The following SV2C variants were observed in gnomAD, a reference collection of about 807,000 sequenced individuals.
SV2C encodes synaptic vesicle glycoprotein 2C.
SV2C carries 49 observed loss-of-function variants against 79.7 expected under a neutral mutation model. The ratio of observed to expected loss-of-function variants is 0.61; its 90% confidence interval spans 0.49 to 0.78. The LOEUF is 0.78. Ranked by LOEUF, SV2C falls within the 30% of genes least tolerant of loss-of-function variation. SV2C has a pLI of 0.00. For synonymous variants in SV2C, 334 were observed against 333.2 expected (o/e 1.00, Z -0.03); for missense variants, 833 against 912.9 (o/e 0.91, Z 1.13).
chr5:75,983,327 T>C, the SV2C span, among the ~76,000 whole-genome samples: 1 of 152,222 alleles, frequency 6.6e-6, no homozygotes, highest in African/African-American at 2.4e-5. Flanking sequence ...ACAGAACTAC[T>C]TAACTTTCAG....
chr5:76,051,965 T>C, the SV2C span, among the ~76,000 whole-genome samples: 1 of 152,180 alleles, frequency 6.6e-6, no homozygotes, highest in Admixed American at 6.5e-5. Flanking sequence ...AATTTTATTG[T>C]CTGCAAAGTA....
Position 76,300,930 on chromosome 5 carries a change from T to C in SV2C, c.1838T>C (p.Leu613Pro). The C allele has an allele frequency of 1.2e-6, 2 of 1,614,106 alleles. No individual in the cohort carries two copies. The highest frequency in any genetic ancestry group is 1.7e-6 in the Non-Finnish European group (2 of 1,179,952). The change falls in exon 11 of 13, where the codon CTA becomes CCA. Residue 613 changes from leucine to proline, a missense_variant and splice_region_variant. Transcript: ENST00000502798. ...GACAGAATTGGGCGCTTAACAATGCTAGGTATGTACTCAGTTTCATGTCAA... is the reference window on the plus strand; with the variant it reads ...GACAGAATTGGGCGCTTAACAATGCCAGGTATGTACTCAGTTTCATGTCAA... Reference protein sequence around the residue: ...LMDRIGRLTMLGGSMVLSGIS... With the variant: ...LMDRIGRLTMPGGSMVLSGIS...
rs138531675 is a variant in SV2C, at chr5:76,322,118, T to A, written c.2001-3246T>A. On this transcript the variant is annotated intron_variant, in intron 12 of 12. Transcript: ENST00000502798. The stretch of plus-strand genomic sequence containing the variant: ...AATTTTCTGAGAAAATTCCGTGGGC[T>A]CTTCTTATTTAAGACCTAGCATGTT... Among the ~76,000 whole-genome samples the A allele has an allele frequency of 9.8e-4, 149 of 152,344 alleles. No homozygotes were observed. In the East Asian group the frequency reaches 0.025, roughly 26 times the overall value.
chr5:76,260,717 T>G (rs1048397858), intron 4 of SV2C, among the ~76,000 whole-genome samples: 16 of 152,354 alleles, frequency 1.1e-4, no homozygotes, highest in Middle Eastern at 3.4e-3. Flanking sequence ...CCCCATTGCT[T>G]GTTTTTGTCA....
chr5:75,974,156 T>G, the SV2C span, among the ~76,000 whole-genome samples: 1 of 152,030 alleles, frequency 6.6e-6, no homozygotes, highest in Non-Finnish European at 1.5e-5. Context: ...GAGTTAATGA[T>G]GAGGTTTTTA....
At chr5:76,078,456 G>T (rs920600623), upstream of SV2C, among the ~76,000 whole-genome samples, 9 of 152,218 alleles carry the variant, frequency 5.9e-5, no homozygotes, top group Admixed American at 5.2e-4. Context: ...GTATTAGAAT[G>T]TAAGAGATGA....
At chr5:76,273,775 G>T (rs1054629961) in intron 4 of SV2C, among the ~76,000 whole-genome samples, 1 of 152,114 alleles carries the variant, frequency 6.6e-6, no homozygotes, top group African/African-American at 2.4e-5. Flanking sequence ...TCTCTCCCTG[G>T]GATGTATAAT....
At chr5:76,121,312 A>ATTTG (rs1748488807) in intron 1 of SV2C, among the ~76,000 whole-genome samples, 1 of 151,970 alleles carries the variant, frequency 6.6e-6, no homozygotes, top group Non-Finnish European at 1.5e-5. Context: ...CTCCCATCCC[A>ATTTG]TAGGTTGCCT....
At chr5:76,121,885 GT>G (rs952922638) in intron 1 of SV2C, among the ~76,000 whole-genome samples, 56 of 151,642 alleles carry the variant, frequency 3.7e-4, no homozygotes, top group African/African-American at 1.3e-3. Flanking sequence ...CTTTAAAGTA[GT>G]TTTTTTCCAA....
At chr5:75,986,578 G>A in the SV2C span, among the ~76,000 whole-genome samples, 1 of 151,982 alleles carries the variant, frequency 6.6e-6, no homozygotes, top group African/African-American at 2.4e-5. Flanking sequence ...TAAGTTTGTA[G>A]TAATTTGTTA....
chr5:76,322,223 A>G (rs1748851582), intron 12 of SV2C, among the ~76,000 whole-genome samples: 1 of 152,232 alleles, frequency 6.6e-6, no homozygotes, highest in South Asian at 2.1e-4. Context: ...AAAAATCACA[A>G]GCATTCCTTT....
chr5:75,921,202 G>A, the SV2C span: 13 of 1,049,586 alleles, frequency 1.2e-5, no homozygotes, highest in East Asian at 3.1e-4. Context: ...TGAGCCAGGG[G>A]CCAGCAGCCG....
chr5:76,191,353 T>C (rs1438579968), intron 2 of SV2C, among the ~76,000 whole-genome samples: 1 of 152,198 alleles, frequency 6.6e-6, no homozygotes, highest in Admixed American at 6.5e-5. Context: ...TTCGGAATAC[T>C]AATACAGAAT....
chr5:76,335,003 C>A (rs548903357), downstream of SV2C, among the ~76,000 whole-genome samples: 1 of 152,322 alleles, frequency 6.6e-6, no homozygotes, highest in South Asian at 2.1e-4. Flanking sequence ...ATATGATAGC[C>A]ACATGTAGCT....
rs997688586 is a variant in SV2C at position 76,148,060 on chromosome 5, A to G, written c.580+15730A>G. ...AATAAAGAGACTCATTAAGAATTAT[A>G]TATTAAATAAGAGCAAATAGTTATG... is the stretch of plus-strand genomic sequence containing the variant. On this transcript the variant is annotated intron_variant, in intron 2 of 12. Transcript: ENST00000502798. 9.2e-5 allele frequency among the ~76,000 whole-genome samples: 14 copies of G among 152,330 alleles called. 1 individual carries two copies. Among genetic ancestry groups the G allele is most frequent in the South Asian group, 4.1e-4 (2 of 4,822 alleles).
At chr5:75,938,880 T>C in the SV2C span, among the ~76,000 whole-genome samples, 89,657 of 152,078 alleles carry the variant, frequency 0.59, 27,812 homozygotes, top group African/African-American at 0.79. Flanking sequence ...ACAGTGGATT[T>C]TGTGAGCTCC....
intron 12 of SV2C, 131 bp from the exon 13 acceptor site, chr5:76,325,233 G>T (rs1012736185): frequency 3.0e-5 from 27 of 905,374 alleles, no homozygotes; most frequent in Middle Eastern, 3.2e-4. Context: ...TTGCTAACAA[G>T]CATTGATTTG....
At chr5:76,314,665 T>C (rs1748562052) in intron 12 of SV2C, among the ~76,000 whole-genome samples, 1 of 152,162 alleles carries the variant, frequency 6.6e-6, no homozygotes, top group Non-Finnish European at 1.5e-5. Flanking sequence ...TCTTACCCCA[T>C]GTTCAGGTGA....
At chr5:76,213,702 G>A (rs1000630818) in intron 4 of SV2C, among the ~76,000 whole-genome samples, 3 of 152,072 alleles carry the variant, frequency 2.0e-5, no homozygotes, top group Non-Finnish European at 4.4e-5. Context: ...TACCACAATC[G>A]AGCTAATTAA....
Sources: allele counts gnomAD v4.1 joint callset (sites outside exome capture counted in the v4.1 genomes callset), GRCh38; gene constraint gnomAD v4.1.1; transcripts MANE v1.5; gene names NCBI Gene and HGNC (gene_info 2026-07-23, HGNC 2026-07-21).